The following OR3A1 variants were observed in gnomAD, a reference collection of about 807,000 sequenced individuals.
The protein encoded by OR3A1 is olfactory receptor family 3 subfamily A member 1, also known as olfactory receptor 3A1.
For synonymous variants in OR3A1, 145 were observed against 160.0 expected, an observed-to-expected ratio of 0.91 and a Z score of 0.71; for missense variants, 402 against 393.8, an observed-to-expected ratio of 1.02 and a Z score of -0.18.
chr17:3,292,534 G>A lies in OR3A1; in HGVS notation c.49C>T (p.Leu17=). The change falls in exon 2 of 2, where the codon CTG becomes TTG. Residue 17 remains leucine, a synonymous_variant. Coordinates refer to ENST00000323404, the MANE Select transcript of OR3A1 (RefSeq NM_002550.3). ...ANGTVIAEFI[L]LGLLEAPGLQ... is the part of the protein sequence containing the mutation. ...CCTGGCGCCTCCAGCAAGCCCAGCA[G>A]GATGAACTCAGCAATGACTGTTCCA... The A allele has an allele frequency of 6.2e-7, 1 of 1,614,004 alleles. No individual in the cohort carries two copies. The highest frequency in any genetic ancestry group is 1.1e-5 in the South Asian group (1 of 91,066).
Position 3,291,921 on chromosome 17 carries a change from T to C in OR3A1, c.662A>G (p.Tyr221Cys), listed in dbSNP as rs144521583. ...CAGGACTGCAGCTGCCACGTGGATA[T>C]AGGAGATGACAATGAGAGCCATGGG... ...GTPMALIVIS[Y>C]IHVAAAVLRI... The change falls in exon 2 of 2, where the codon TAT (tyrosine) becomes TGT (cysteine). Residue 221 changes from tyrosine (Y) to cysteine (C), a missense_variant. Tyr to Cys is a radical substitution (Grantham distance 194, BLOSUM62 -2). Transcript: ENST00000323404. The C allele has an allele frequency of 2.4e-5, 38 of 1,614,150 alleles. No homozygotes were observed. In the African/African-American group the frequency reaches 2.8e-4, roughly 12 times the overall value.
intron 1 of OR3A1, among the ~76,000 whole-genome samples, chr17:3,297,500 T>C (rs2048928603): frequency 6.8e-6 from 1 of 147,854 alleles, no homozygotes; most frequent in African/African-American, 2.7e-5. Context: ...ATGTGCTTCC[T>C]CTGTAAAGGT....
At chr17:3,293,511 G>A (rs144943768) in intron 1 of OR3A1, among the ~76,000 whole-genome samples, 6 of 152,180 alleles carry the variant, frequency 3.9e-5, no homozygotes, top group African/African-American at 1.4e-4. Flanking sequence ...CAAGCATCTT[G>A]TGAATATCTA....
chr17:3,291,321 A>T lies in OR3A1; in HGVS notation c.*314T>A. On this transcript the variant is annotated 3_prime_UTR_variant, in exon 2 of 2. Transcript: ENST00000323404. The stretch of plus-strand genomic sequence containing the variant: ...CTGGCAACTAAGGCTGTAACCAACC[A>T]AAGAGTCATTCCTTCTGGAACATGA... 1 of 256,366 alleles carries T rather than the reference A, an allele frequency of 3.9e-6. No individual in the cohort carries two copies. Among genetic ancestry groups the T allele is most frequent in the Non-Finnish European group, 7.3e-6 (1 of 136,926 alleles). 15.9% of individuals were successfully genotyped at this position (256,366 alleles called of 1,614,324 possible). A position where few individuals can be genotyped will look rare whatever the true frequency, so the allele number is the denominator to read the frequency against.
Position 3,292,122 on chromosome 17 carries a change from C to T in OR3A1, c.461G>A (p.Cys154Tyr). ...QRMLVAASWACAFTNALTHTV... is the reference protein window; with the variant it reads ...QRMLVAASWAYAFTNALTHTV... Reference sequence around the variant, plus strand: ...GTGGGTCAGTGCGTTGGTGAAAGCACAAGCCCAGGACGCAGCCACCAACAT... The same window carrying T: ...GTGGGTCAGTGCGTTGGTGAAAGCATAAGCCCAGGACGCAGCCACCAACAT... Residue 154 changes from cysteine (C) to tyrosine (Y), a missense_variant, in exon 2 of 2, where the codon TGT (cysteine) becomes TAT (tyrosine). Coordinates refer to ENST00000323404, the MANE Select transcript of OR3A1 (RefSeq NM_002550.3). 12 of 1,614,166 alleles carry T rather than the reference C, an allele frequency of 7.4e-6. No homozygotes were observed. Among genetic ancestry groups the T allele is most frequent in the Non-Finnish European group, 1.0e-5 (12 of 1,180,034 alleles).
rs147340240 is a variant in OR3A1 at position 3,294,250 on chromosome 17, G to C, written c.-6-1662C>G. ...CAGAGTAAAAATATAAGAGCTGAGG[G>C]AAGGGATTGCAAGAAAGATAAGAAA... On this transcript the variant is annotated intron_variant, in intron 1 of 1. Coordinates refer to ENST00000323404, the MANE Select transcript of OR3A1 (RefSeq NM_002550.3). Among the ~76,000 whole-genome samples the C allele has an allele frequency of 3.3e-5, 5 of 151,854 alleles. No homozygotes were observed. In the East Asian group the frequency reaches 7.7e-4, roughly 23 times the overall value.
At position 3,292,370 on chromosome 17, in the gene OR3A1, C is replaced by T. The variant is rs1348703138; in HGVS notation, c.213G>A (p.Val71=). The part of the protein sequence containing the change: ...PMYFFLGNLS[V]LDVGCISVTV... ...TGACGCTGATGCACCCAACATCCAG[C>T]ACTGATAGGTTCCCCAGGAAGAAGT... Residue 71 remains valine (V), a synonymous_variant, in exon 2 of 2, where the codon GTG becomes GTA. Transcript: ENST00000323404. 9 of 1,614,124 alleles carry T rather than the reference C, an allele frequency of 5.6e-6. No individual in the cohort carries two copies. Among genetic ancestry groups the T allele is most frequent in the Non-Finnish European group, 6.8e-6 (8 of 1,180,014 alleles).
intron 1 of OR3A1, among the ~76,000 whole-genome samples, chr17:3,293,369 A>G (rs1306494504): frequency 3.9e-5 from 6 of 152,190 alleles, no homozygotes; most frequent in East Asian, 1.9e-4. Flanking sequence ...AAAAAAATAC[A>G]TCAGTTCTAA....
intron 1 of OR3A1, among the ~76,000 whole-genome samples, chr17:3,296,612 AATTAC>A (rs2048920091): frequency 6.6e-6 from 1 of 152,198 alleles, no homozygotes; most frequent in Non-Finnish European, 1.5e-5. Flanking sequence ...AAATAATCAC[AATTAC>A]ATTAAAAGAT....
rs577754622 is a variant in OR3A1, at chr17:3,291,808, T to C, written c.775A>G (p.Ile259Val). 1.9e-5 allele frequency: 30 copies of C among 1,613,888 alleles called. No homozygotes were observed. The highest frequency in any genetic ancestry group is 4.5e-5 in the East Asian group (2 of 44,864). Residue 259 changes from isoleucine to valine, a missense_variant, in exon 2 of 2, where the codon ATC (isoleucine) becomes GTC (valine). Transcript: ENST00000323404. Reference sequence around the variant, plus strand: ...GAACCCAGTCGCATATAGTTAAAGATACCTGAACCATAGAATATGGCAACC... The same window carrying C: ...GAACCCAGTCGCATATAGTTAAAGACACCTGAACCATAGAATATGGCAACC... ...TVVAIFYGSG[I>V]FNYMRLGSTK...
chr17:3,292,604 C>G lies in OR3A1; in HGVS notation c.-6-16G>C. On this transcript the variant is annotated splice_polypyrimidine_tract_variant and intron_variant, in intron 1 of 1. Coordinates refer to ENST00000323404, the MANE Select transcript of OR3A1 (RefSeq NM_002550.3). ...GCATGAGTTCCTGCAAAGAAACATC[C>G]AGGGAGGAAAAGAATCACTCCTCCC... 1 of 1,557,278 alleles carries G rather than the reference C, an allele frequency of 6.4e-7. No homozygotes were observed. The highest frequency in any genetic ancestry group is 8.7e-7 in the Non-Finnish European group (1 of 1,146,200).
chr17:3,295,026 C>A (rs2048908342), intron 1 of OR3A1, among the ~76,000 whole-genome samples: 1 of 151,870 alleles, frequency 6.6e-6, no homozygotes, highest in Non-Finnish European at 1.5e-5. Context: ...AGGAACTCTG[C>A]AGTCTATAAA....
In OR3A1 at chr17:3,291,926, G is replaced by A. The variant is rs867373440; in HGVS notation, c.657C>T (p.Ile219=). 1.2e-6 allele frequency: 2 copies of A among 1,614,218 alleles called. No individual in the cohort carries two copies. The highest frequency in any genetic ancestry group is 1.7e-6 in the Non-Finnish European group (2 of 1,180,040). ...MAGTPMALIV[I]SYIHVAAAVL... is the part of the protein sequence containing the mutation. ...CTGCAGCTGCCACGTGGATATAGGA[G>A]ATGACAATGAGAGCCATGGGGGTAC... Residue 219 remains isoleucine (I), a synonymous_variant, in exon 2 of 2, where the codon ATC becomes ATT. Transcript: ENST00000323404.
At chr17:3,296,878 A>G (rs1259465126) in intron 1 of OR3A1, among the ~76,000 whole-genome samples, 1 of 152,226 alleles carries the variant, frequency 6.6e-6, no homozygotes, top group Non-Finnish European at 1.5e-5. Flanking sequence ...CTTTCAAGGA[A>G]TCATTTTTTC....
At chr17:3,297,723 T>C (rs2048931256) in intron 1 of OR3A1, among the ~76,000 whole-genome samples, 1 of 152,028 alleles carries the variant, frequency 6.6e-6, no homozygotes, top group African/African-American at 2.4e-5. Flanking sequence ...TACAGTAGGG[T>C]TCAATATTTC....
At chr17:3,298,076 C>T (rs897981528) in intron 1 of OR3A1, among the ~76,000 whole-genome samples, 3 of 152,060 alleles carry the variant, frequency 2.0e-5, no homozygotes, top group Admixed American at 6.6e-5. Context: ...AATCCATTCA[C>T]GGAGATGTCT....
chr17:3,291,946 G>A lies in OR3A1; in HGVS notation c.637C>T (p.Pro213Ser). Residue 213 changes from proline to serine, a missense_variant, in exon 2 of 2, where the codon CCC becomes TCC. Coordinates refer to ENST00000323404, the MANE Select transcript of OR3A1 (RefSeq NM_002550.3). ...TAGGAGATGACAATGAGAGCCATGGGGGTACCTGCCATTATAAAACCCACA... is the reference window on the plus strand; with the variant it reads ...TAGGAGATGACAATGAGAGCCATGGAGGTACCTGCCATTATAAAACCCACA... ...FAVGFIMAGT[P>S]MALIVISYIH... 1.9e-6 allele frequency: 3 copies of A among 1,614,206 alleles called. No individual in the cohort carries two copies. The highest frequency in any genetic ancestry group is 2.5e-6 in the Non-Finnish European group (3 of 1,180,034).
intron 1 of OR3A1, among the ~76,000 whole-genome samples, chr17:3,293,191 C>CA (rs1251111877): frequency 1.4e-4 from 21 of 146,942 alleles, no homozygotes; most frequent in Admixed American, 2.7e-4. Flanking sequence ...AGGCAATCAA[C>CA]AAAAAACAAA....
At chr17:3,294,085 G>A (rs1395290840) in intron 1 of OR3A1, among the ~76,000 whole-genome samples, 2 of 151,874 alleles carry the variant, frequency 1.3e-5, no homozygotes, top group Non-Finnish European at 2.9e-5. Flanking sequence ...AAACCTGCAT[G>A]TCCTGCACAT....
Sources: gnomAD v4.1 joint callset for allele counts (sites outside exome capture counted in the v4.1 genomes callset) on GRCh38, gnomAD v4.1.1 for gene constraint, MANE v1.5 for transcripts, NCBI Gene and HGNC (gene_info 2026-07-23, HGNC 2026-07-21) for gene names.